RALYL: variants seen among roughly 807,000 people sequenced by gnomAD.
RALYL encodes the protein RALY RNA binding protein like, also known as RNA-binding Raly-like protein.
RALYL carries 29 observed loss-of-function variants against 35.1 expected under a neutral mutation model. The ratio of observed to expected loss-of-function variants is 0.83; its 90% CI spans 0.61 to 1.13. RALYL has a LOEUF of 1.13. Among genes scored for constraint, RALYL ranks in the 50% most tolerant of loss-of-function variants. The pLI is 0.00. For synonymous variants in RALYL, 120 were observed against 127.6 expected (o/e 0.94, Z 0.40); for missense variants, 359 against 360.4 (o/e 1.00, Z 0.03).
intron 3 of RALYL, among the ~76,000 whole-genome samples, chr8:84,784,927 T>G (rs930785293): frequency 1.3e-5 from 2 of 152,216 alleles, no homozygotes; most frequent in African/African-American, 2.4e-5. Flanking sequence ...ATAACATGAT[T>G]GATAATTTAT....
intron 3 of RALYL, among the ~76,000 whole-genome samples, chr8:84,775,157 T>C (rs1816538111): frequency 6.6e-6 from 1 of 152,106 alleles, no homozygotes; most frequent in South Asian, 2.1e-4. Context: ...GGTTTCACCA[T>C]GTTGGCCAGG....
intron 1 of RALYL, among the ~76,000 whole-genome samples, chr8:84,216,567 A>G (rs116308085): frequency 0.032 from 4,937 of 152,236 alleles, 271 homozygotes; most frequent in African/African-American, 0.11. Flanking sequence ...TGTGGCAAGA[A>G]TAGCTAAAAC....
intron 2 of RALYL, among the ~76,000 whole-genome samples, chr8:84,541,592 G>A (rs73294018): frequency 2.6e-5 from 4 of 152,022 alleles, no homozygotes; most frequent in Non-Finnish European, 4.4e-5. Flanking sequence ...GGCAAAAATC[G>A]CTAACTGAAT....
At chr8:84,207,510 A>G (rs941959928) in intron 1 of RALYL, among the ~76,000 whole-genome samples, 3 of 152,030 alleles carry the variant, frequency 2.0e-5, no homozygotes, top group Non-Finnish European at 4.4e-5. Context: ...TGTATAATCT[A>G]AAAAAGTCAA....
intron 4 of RALYL, among the ~76,000 whole-genome samples, chr8:84,849,225 A>G (rs1337563020): frequency 1.3e-5 from 2 of 152,230 alleles, no homozygotes; most frequent in African/African-American, 2.4e-5. Context: ...ATATTTAAAT[A>G]TACTAAAATA....
chr8:84,665,491 A>G (rs1831825975), intron 2 of RALYL, among the ~76,000 whole-genome samples: 1 of 151,970 alleles, frequency 6.6e-6, no homozygotes, highest in Non-Finnish European at 1.5e-5. Flanking sequence ...AGAACTCATT[A>G]TTGGTCTAGT....
intron 1 of RALYL, among the ~76,000 whole-genome samples, chr8:84,460,730 G>A (rs776327601): frequency 7.9e-5 from 12 of 151,650 alleles, no homozygotes; most frequent in East Asian, 5.8e-4. Flanking sequence ...AAGAACTTTC[G>A]TGGTCATTTC....
intron 2 of RALYL, among the ~76,000 whole-genome samples, chr8:84,564,381 A>G (rs1190432843): frequency 6.6e-6 from 1 of 151,708 alleles, no homozygotes; most frequent in Non-Finnish European, 1.5e-5. Context: ...GATTATTATT[A>G]TTGGGAAATA....
intron 1 of RALYL, among the ~76,000 whole-genome samples, chr8:84,186,506 C>A (rs1395626443): frequency 6.6e-6 from 1 of 152,104 alleles, no homozygotes; most frequent in African/African-American, 2.4e-5. Context: ...ACAGAGCAAG[C>A]AAGCAAGAAC....
intron 1 of RALYL, among the ~76,000 whole-genome samples, chr8:84,436,678 T>A (rs1229961343): frequency 1.3e-5 from 2 of 148,746 alleles, no homozygotes; most frequent in African/African-American, 2.5e-5. Flanking sequence ...ATAATTGATA[T>A]AAAAACAGCA....
chr8:84,399,808 T>C (rs2042707181), intron 1 of RALYL, among the ~76,000 whole-genome samples: 1 of 152,222 alleles, frequency 6.6e-6, no homozygotes, highest in African/African-American at 2.4e-5. Context: ...GAAGGAATTC[T>C]CTTCTAAGTC....
Position 84,529,471 on chromosome 8 carries a change from A to T in RALYL, c.150A>T (p.Gly50=). 1 of 1,613,788 alleles carries T rather than the reference A, an allele frequency of 6.2e-7. No individual in the cohort carries two copies. The highest frequency in any genetic ancestry group is 8.5e-7 in the Non-Finnish European group (1 of 1,179,832). The change falls in exon 2 of 9, where the codon GGA becomes GGT. Residue 50 remains glycine (G), a synonymous_variant. Transcript: ENST00000521268. ...TTTCAAAGTATGGAAAAATAGTTGG[A>T]TGTTCCGTTCACAAAGGTTATGCAT... is the stretch of plus-strand genomic sequence containing the variant. ...AIFSKYGKIV[G]CSVHKGYAFV...
chr8:84,330,294 T>C (rs1846571691), intron 1 of RALYL, among the ~76,000 whole-genome samples: 1 of 152,052 alleles, frequency 6.6e-6, no homozygotes, highest in Admixed American at 6.6e-5. Flanking sequence ...GCATAATTCT[T>C]AGTCTTTCTG....
chr8:84,393,418 A>G (rs1861134679), intron 1 of RALYL, among the ~76,000 whole-genome samples: 1 of 152,032 alleles, frequency 6.6e-6, no homozygotes, highest in Admixed American at 6.6e-5. Context: ...AAGGCAATAG[A>G]TGGTCAGTTA....
At chr8:84,734,743 A>G (rs558384790) in intron 2 of RALYL, among the ~76,000 whole-genome samples, 2 of 152,260 alleles carry the variant, frequency 1.3e-5, no homozygotes, top group African/African-American at 4.8e-5. Flanking sequence ...TCTATGAGGT[A>G]TACATTAGCA....
At chr8:84,784,532 A>C (rs890060289) in intron 3 of RALYL, among the ~76,000 whole-genome samples, 8 of 152,254 alleles carry the variant, frequency 5.3e-5, no homozygotes, top group Non-Finnish European at 8.8e-5. Context: ...ATTACAAATC[A>C]TAAGCTAGAA....
chr8:84,594,645 T>C (rs1473086552), intron 2 of RALYL, among the ~76,000 whole-genome samples: 3 of 152,050 alleles, frequency 2.0e-5, no homozygotes, highest in African/African-American at 7.2e-5. Context: ...TATTAATCAA[T>C]CTGCCACAAT....
intron 2 of RALYL, among the ~76,000 whole-genome samples, chr8:84,708,479 T>C (rs1157093499): frequency 6.6e-6 from 1 of 152,142 alleles, no homozygotes; most frequent in African/African-American, 2.4e-5. Flanking sequence ...CTTTCAACTG[T>C]ATACAGAATA....
intron 1 of RALYL, among the ~76,000 whole-genome samples, chr8:84,524,362 C>A (rs996743700): frequency 7.9e-5 from 12 of 152,194 alleles, no homozygotes; most frequent in Admixed American, 2.0e-4. Flanking sequence ...GCTCATCATC[C>A]CTGGCCATCA....
Sources: gnomAD v4.1 joint callset for allele counts (sites outside exome capture counted in the v4.1 genomes callset) on GRCh38, gnomAD v4.1.1 for gene constraint, MANE v1.5 for transcripts, NCBI Gene and HGNC (gene_info 2026-07-23, HGNC 2026-07-21) for gene names.